ST3GAL1: variants seen among roughly 807,000 people sequenced by gnomAD.
The protein encoded by ST3GAL1 is ST3 beta-galactoside alpha-2,3-sialyltransferase 1.
ST3GAL1 carries 16 observed loss-of-function variants against 34.1 expected under a neutral mutation model. That is an observed-to-expected ratio of 0.47 (90% CI 0.32 to 0.71). ST3GAL1 has a LOEUF of 0.71. Ranked by LOEUF, ST3GAL1 falls within the 30% of genes least tolerant of loss-of-function variation. The pLI is 0.04. For synonymous variants in ST3GAL1, 191 were observed against 184.7 expected (o/e 1.03, Z -0.28); for missense variants, 353 against 447.4 (o/e 0.79, Z 1.90).
chr8:133,472,184 TCAACTCAA>T (rs1378944903), intron 5 of ST3GAL1, among the ~76,000 whole-genome samples: 6 of 107,850 alleles, frequency 5.6e-5, no homozygotes, highest in African/African-American at 1.0e-4. Context: ...TTAACTCAAC[TCAACTCAA>T]CTCAACTAAA....
chr8:133,540,858 TATATATAGAGAC>T (rs1563734088), intron 2 of ST3GAL1, among the ~76,000 whole-genome samples: 1 of 114,412 alleles, frequency 8.7e-6, no homozygotes, highest in African/African-American at 3.4e-5. Context: ...TATAGAGACA[TATATATAGAGAC>T]ATATATATAG....
rs2131006412 is a variant in ST3GAL1, at chr8:133,507,812, G to C, written c.-428-8623C>G. Among the ~76,000 whole-genome samples the C allele has an allele frequency of 2.6e-5, 4 of 152,296 alleles. No homozygotes were observed. In the South Asian group the frequency reaches 8.3e-4, roughly 32 times the overall value. ...CAGGTTTCAGGTTTTCATTTCCTTA[G>C]CTGGGGTCAGGCTACCTGGAAGGTG... On this transcript the variant is annotated intron_variant, in intron 2 of 9. Transcript: ENST00000522652.
At chr8:133,528,119 A>T (rs6471130) in intron 2 of ST3GAL1, among the ~76,000 whole-genome samples, 28 of 151,722 alleles carry the variant, frequency 1.8e-4, no homozygotes, top group African/African-American at 6.8e-4. Context: ...AGGTTGCAGT[A>T]AGCCAAGGTC....
At chr8:133,513,544 T>C (rs1481867879) in intron 2 of ST3GAL1, among the ~76,000 whole-genome samples, 2 of 152,144 alleles carry the variant, frequency 1.3e-5, no homozygotes, top group Non-Finnish European at 2.9e-5. Context: ...CACAAACAGA[T>C]GGTACTGAGA....
At chr8:133,538,521 T>A (rs972035517) in intron 2 of ST3GAL1, among the ~76,000 whole-genome samples, 9 of 152,028 alleles carry the variant, frequency 5.9e-5, no homozygotes, top group Non-Finnish European at 1.3e-4. Flanking sequence ...TCTCAAAAAA[T>A]AAATAAATAA....
rs560257227 is a variant in ST3GAL1, at chr8:133,570,493, G to A, written c.-582+1200C>T. Reference sequence around the variant, plus strand: ...AACACACCACCGAGCCCCGCGCATGGTACGGCCGCCGAGGACCCTAGCGTA... The same window carrying A: ...AACACACCACCGAGCCCCGCGCATGATACGGCCGCCGAGGACCCTAGCGTA... On this transcript the variant is annotated intron_variant, in intron 1 of 9. Coordinates refer to ENST00000522652, the MANE Select transcript of ST3GAL1 (RefSeq NM_173344.3). The surrounding 1 kb of genome is among the most constrained non-coding windows in gnomAD (Gnocchi z 5.6). 7 of 152,294 alleles carry A rather than the reference G, an allele frequency of 4.6e-5. No individual in the cohort carries two copies. Among genetic ancestry groups the A allele is most frequent in the Admixed American group, 3.9e-4 (6 of 15,282 alleles). The allele number at this position is 152,294 out of a possible 1,614,324, so 9.4% of individuals were successfully genotyped here. A position where few individuals can be genotyped will look rare whatever the true frequency, so the allele number is the denominator to read the frequency against.
At chr8:133,495,285 C>CA (rs1816910229) in intron 3 of ST3GAL1, among the ~76,000 whole-genome samples, 1 of 152,108 alleles carries the variant, frequency 6.6e-6, no homozygotes, top group African/African-American at 2.4e-5. Flanking sequence ...GAAAGGATTC[C>CA]CCGTGCAACT....
At chr8:133,513,139 G>A (rs541270272) in intron 2 of ST3GAL1, among the ~76,000 whole-genome samples, 2 of 152,324 alleles carry the variant, frequency 1.3e-5, no homozygotes, top group South Asian at 4.1e-4. Flanking sequence ...ATAAAGATCA[G>A]AGGAGAGGCA....
intron 2 of ST3GAL1, among the ~76,000 whole-genome samples, chr8:133,503,008 A>AT (rs1367509583): frequency 1.3e-5 from 2 of 152,198 alleles, no homozygotes; most frequent in Non-Finnish European, 2.9e-5. Flanking sequence ...TAGTTCTTTC[A>AT]GTTCTGGTTA....
intron 2 of ST3GAL1, among the ~76,000 whole-genome samples, chr8:133,537,443 G>A (rs956269118): frequency 6.6e-6 from 1 of 152,210 alleles, no homozygotes; most frequent in African/African-American, 2.4e-5. Flanking sequence ...GGGGAAGGAA[G>A]GCAGGAGAAA....
At chr8:133,562,850 CTTT>C (rs11374505) in intron 1 of ST3GAL1, among the ~76,000 whole-genome samples, 50 of 106,346 alleles carry the variant, frequency 4.7e-4, no homozygotes, top group African/African-American at 1.4e-3. Flanking sequence ...TCCTTTCTTT[CTTT>C]TTTTTTTTTT....
rs1038343289 is a variant in ST3GAL1, at chr8:133,555,417, C to T, written c.-581-9491G>A. On this transcript the variant is annotated intron_variant, in intron 1 of 9. Transcript: ENST00000522652. ...ACCGTAGTGCAATCTGTTCTCAAAC[C>T]CCAGAGATAAAGTCACCAATTCTCA... Among the ~76,000 whole-genome samples, 14 of 152,266 alleles carry T rather than the reference C, an allele frequency of 9.2e-5. No individual in the cohort carries two copies. In the South Asian group the frequency reaches 2.9e-3, roughly 32 times the overall value.
intron 2 of ST3GAL1, among the ~76,000 whole-genome samples, chr8:133,524,152 C>T (rs1047886644): frequency 2.6e-5 from 4 of 152,204 alleles, no homozygotes; most frequent in Non-Finnish European, 5.9e-5. Context: ...CTCGCTGGCC[C>T]TCTCAGCTCA....
intron 6 of ST3GAL1, 153 bp downstream of exon 6, chr8:133,465,741 C>A: frequency 1.3e-6 from 1 of 745,842 alleles, no homozygotes; most frequent in Non-Finnish European, 2.2e-6. Flanking sequence ...GAAGCTGAGG[C>A]CCAGGGGGTG....
chr8:133,475,661 CACTCTCAGTCCACACCCCA>C, intron 5 of ST3GAL1, 39 bp downstream of exon 5: 1 of 1,484,752 alleles, frequency 6.7e-7, no homozygotes. Flanking sequence ...GCCCAGACCC[CACTCTCAGTCCACACCCCA>C]ACTCTCAGCC....
chr8:133,527,356 C>T (rs1240459877), intron 2 of ST3GAL1, among the ~76,000 whole-genome samples: 3 of 152,216 alleles, frequency 2.0e-5, no homozygotes, highest in South Asian at 2.1e-4. Context: ...GCAACAGTGT[C>T]GGCATCGGGA....
At chr8:133,549,926 C>T (rs747083829) in intron 1 of ST3GAL1, among the ~76,000 whole-genome samples, 6 of 152,176 alleles carry the variant, frequency 3.9e-5, no homozygotes, top group Non-Finnish European at 7.3e-5. Context: ...CGTACCATTG[C>T]GCTCCAGCTT....
intron 2 of ST3GAL1, among the ~76,000 whole-genome samples, chr8:133,534,508 G>A (rs1032898367): frequency 6.6e-6 from 1 of 152,168 alleles, no homozygotes; most frequent in Non-Finnish European, 1.5e-5. Flanking sequence ...TATTTTGGCA[G>A]GGTGTGTTTG....
chr8:133,516,657 G>A (rs905456849), intron 2 of ST3GAL1, among the ~76,000 whole-genome samples: 2 of 152,172 alleles, frequency 1.3e-5, no homozygotes, highest in Admixed American at 1.3e-4. Context: ...TTCAACCAGA[G>A]TCTCACAATA....
Sources: gnomAD v4.1 joint callset for allele counts (sites outside exome capture counted in the v4.1 genomes callset) on GRCh38, gnomAD v4.1.1 for gene constraint, Gnocchi (gnomAD v3.1) non-coding constraint, MANE v1.5 for transcripts, NCBI Gene and HGNC (gene_info 2026-07-23, HGNC 2026-07-21) for gene names.